The following ANGEL2 variants were observed in gnomAD, a reference collection of about 807,000 sequenced individuals.
ANGEL2 encodes RNA 2',3'-cyclic phosphatase ANGEL2.
Under a neutral mutation model 66.0 loss-of-function variants are expected in ANGEL2, and 41 were observed. The observed-to-expected ratio is 0.62, with a 90% confidence interval of 0.48 to 0.81. ANGEL2 has a LOEUF of 0.81. Among genes scored for constraint, ANGEL2 ranks in the 30% least tolerant of loss-of-function variants. The pLI is 0.00. For synonymous variants in ANGEL2, 208 were observed against 226.5 expected (o/e 0.92, Z 0.73); for missense variants, 561 against 641.6 (o/e 0.87, Z 1.36).
chr1:213,001,535 T>C (rs2076177908), intron 5 of ANGEL2: 1 of 152,252 alleles, frequency 6.6e-6, no homozygotes, highest in Admixed American at 6.5e-5. Context: ...GGGTGATGGT[T>C]GCTTAAAGTG....
chr1:212,996,654 T>A (rs1326818826), intron 8 of ANGEL2, among the ~76,000 whole-genome samples: 46 of 130,738 alleles, frequency 3.5e-4, no homozygotes, highest in East Asian at 1.6e-3. Context: ...TATATATATA[T>A]ATATATATAT....
Position 212,992,846 on chromosome 1 carries a change from TTAAC to T in ANGEL2, c.*2191_*2194del, listed in dbSNP as rs1294271983. ...AAATTCACACAACACAAAGCAGTAA[TTAAC>T]TAATGAATTTTCATTTTTCTTTCCC... On this transcript the variant is annotated 3_prime_UTR_variant, in exon 9 of 9. Coordinates refer to ENST00000366962, the MANE Select transcript of ANGEL2 (RefSeq NM_144567.5). 4.6e-5 allele frequency: 7 copies of T among 152,178 alleles called. No homozygotes were observed. Among genetic ancestry groups the T allele is most frequent in the African/African-American group, 1.2e-4 (5 of 41,424 alleles). The allele number at this position is 152,178 out of a possible 1,614,324, so 9.4% of individuals were successfully genotyped here.
In ANGEL2 at chr1:212,994,294, T is replaced by C. The variant is rs1232690016; in HGVS notation, c.*747A>G. 2 of 151,808 alleles carry C rather than the reference T, an allele frequency of 1.3e-5. No homozygotes were observed. The highest frequency in any genetic ancestry group is 4.8e-5 in the African/African-American group (2 of 41,260). The allele number at this position is 151,808 out of a possible 1,614,324, so 9.4% of individuals were successfully genotyped here. A position where few individuals can be genotyped will look rare whatever the true frequency, so the allele number is the denominator to read the frequency against. On this transcript the variant is annotated 3_prime_UTR_variant, in exon 9 of 9. Coordinates refer to ENST00000366962, the MANE Select transcript of ANGEL2 (RefSeq NM_144567.5). ...TGAAACTCCATCTCAAAAAATAAAA[T>C]AAAATAAAAATAAATAAATAAAAAT... is the stretch of plus-strand genomic sequence containing the variant.
intron 2 of ANGEL2, among the ~76,000 whole-genome samples, chr1:213,012,402 G>T (rs2076531595): frequency 6.6e-6 from 1 of 152,196 alleles, no homozygotes; most frequent in African/African-American, 2.4e-5. Context: ...GGGTTGTGAT[G>T]GGGGCAAGAC....
intron 1 of ANGEL2, among the ~76,000 whole-genome samples, chr1:213,014,935 T>G (rs1045003225): frequency 2.6e-5 from 4 of 152,190 alleles, no homozygotes; most frequent in Non-Finnish European, 5.9e-5. Flanking sequence ...TTATGTTAGT[T>G]TATTAGGAAA....
intron 4 of ANGEL2, chr1:213,006,913 A>T: frequency 2.4e-6 from 1 of 408,696 alleles, no homozygotes. Context: ...TAAAAGTTAC[A>T]TTGCCTTGTC....
intron 2 of ANGEL2, among the ~76,000 whole-genome samples, chr1:213,010,571 CAAA>C (rs11339532): frequency 1.8e-4 from 20 of 110,930 alleles, no homozygotes; most frequent in Non-Finnish European, 1.6e-4. Context: ...GCCTTCGTCT[CAAA>C]AAAAAAAAAA....
chr1:212,996,293 G>A (rs965281819), intron 8 of ANGEL2, among the ~76,000 whole-genome samples: 22 of 151,898 alleles, frequency 1.4e-4, no homozygotes, highest in African/African-American at 3.9e-4. Flanking sequence ...GGCGACGAGC[G>A]AGACTCCGTC....
At chr1:213,012,656 T>C (rs1463863784) in intron 2 of ANGEL2, among the ~76,000 whole-genome samples, 2 of 152,222 alleles carry the variant, frequency 1.3e-5, no homozygotes, top group Admixed American at 6.5e-5. Flanking sequence ...ATTGCTTCTA[T>C]TTATGAGTCC....
intron 2 of ANGEL2, among the ~76,000 whole-genome samples, chr1:213,010,407 TA>T (rs1327317627): frequency 6.6e-6 from 1 of 150,590 alleles, no homozygotes; most frequent in Non-Finnish European, 1.5e-5. Flanking sequence ...CCGTCTCTAC[TA>T]AAAAATACAA....
intron 8 of ANGEL2, among the ~76,000 whole-genome samples, chr1:212,995,730 A>C (rs1483691827): frequency 1.3e-5 from 2 of 152,224 alleles, no homozygotes; most frequent in African/African-American, 4.8e-5. Context: ...AATTCAAAGC[A>C]GCAGGCATAT....
chr1:213,007,806 A>G (rs1481606155), intron 3 of ANGEL2, among the ~76,000 whole-genome samples: 2 of 152,182 alleles, frequency 1.3e-5, no homozygotes, highest in Non-Finnish European at 2.9e-5. Context: ...CAAAATGGAT[A>G]AAACCATTTA....
chr1:212,995,008 T>C lies in ANGEL2; in HGVS notation c.*33A>G. ...TACATTCTTTGAAAAACAATACAAA[T>C]TGGAAAGAAAATTAGTATGTGATCA... On this transcript the variant is annotated 3_prime_UTR_variant, in exon 9 of 9. Coordinates refer to ENST00000366962, the MANE Select transcript of ANGEL2 (RefSeq NM_144567.5). The C allele has an allele frequency of 1.3e-6, 2 of 1,561,274 alleles. No individual in the cohort carries two copies. Among genetic ancestry groups the C allele is most frequent in the Non-Finnish European group, 1.7e-6 (2 of 1,153,796 alleles).
Position 213,015,672 on chromosome 1 carries a change from C to G in ANGEL2, c.-1G>C, listed in dbSNP as rs1208159155. The G allele has an allele frequency of 6.2e-7, 1 of 1,614,094 alleles. No homozygotes were observed. The highest frequency in any genetic ancestry group is 1.3e-5 in the African/African-American group (1 of 74,940). On this transcript the variant is annotated 5_prime_UTR_variant, in exon 1 of 9. Transcript: ENST00000366962. Reference sequence around the variant, plus strand: ...TCCTCACACAGCGCCAGGCTTCCATCTTCGCCCTCCGCGTGCGTCCAGTTC... The same window carrying G: ...TCCTCACACAGCGCCAGGCTTCCATGTTCGCCCTCCGCGTGCGTCCAGTTC...
At chr1:213,004,929 T>C (rs1226450705) in intron 5 of ANGEL2, 104 bp downstream of exon 5, 13 of 757,638 alleles carry the variant, frequency 1.7e-5, no homozygotes, top group Non-Finnish European at 2.6e-5. Context: ...GTGAGGGTAC[T>C]GGATCATCCA....
intron 8 of ANGEL2, among the ~76,000 whole-genome samples, chr1:212,996,272 A>G (rs566747186): frequency 3.9e-5 from 6 of 152,070 alleles, no homozygotes. Flanking sequence ...GCGCCACTGC[A>G]CTCCAGCCTG....
intron 5 of ANGEL2, among the ~76,000 whole-genome samples, chr1:213,003,573 A>G (rs1242479294): frequency 1.3e-5 from 2 of 152,212 alleles, no homozygotes; most frequent in Non-Finnish European, 2.9e-5. Flanking sequence ...GAGCAGTCAG[A>G]ACACATTTAT....
intron 7 of ANGEL2, 122 bp from the exon 8 acceptor site, chr1:212,997,440 T>A: frequency 2.6e-6 from 2 of 777,618 alleles, no homozygotes; most frequent in Non-Finnish European, 4.0e-6. Context: ...AAGCTTTATT[T>A]AAAAAGACCA....
Position 213,008,235 on chromosome 1 carries a change from T to G in ANGEL2, c.617A>C (p.Lys206Thr), listed in dbSNP as rs2076397054. Residue 206 changes from lysine (K) to threonine (T), a missense_variant, in exon 3 of 9, where the codon AAA becomes ACA. Lys to Thr is a moderately conservative substitution (Grantham distance 78). Coordinates refer to ENST00000366962, the MANE Select transcript of ANGEL2 (RefSeq NM_144567.5). ...HWSFRFPNIL[K>T]EIKHFDADVL... ...GTCTGCATCAAAATGTTTAATTTCTTTCAGAATATTGGGAAACCTAAAACT... is the reference window on the plus strand; with the variant it reads ...GTCTGCATCAAAATGTTTAATTTCTGTCAGAATATTGGGAAACCTAAAACT... 1 of 1,612,994 alleles carries G rather than the reference T, an allele frequency of 6.2e-7. No individual in the cohort carries two copies. Among genetic ancestry groups the G allele is most frequent in the African/African-American group, 1.3e-5 (1 of 74,860 alleles).
Sources: allele counts gnomAD v4.1 joint callset (sites outside exome capture counted in the v4.1 genomes callset), GRCh38; gene constraint gnomAD v4.1.1; transcripts MANE v1.5; gene names NCBI Gene and HGNC (gene_info 2026-07-23, HGNC 2026-07-21).